The following ARK2C variants were observed in gnomAD, a reference collection of about 807,000 sequenced individuals.
The protein encoded by ARK2C is arkadia (RNF111) C-terminal like ring finger ubiquitin ligase 2C, also known as E3 ubiquitin-protein ligase ARK2C.
chr18:46,431,409 G>A, the ARK2C span, among the ~76,000 whole-genome samples: 1 of 152,198 alleles, frequency 6.6e-6, no homozygotes. Flanking sequence ...ACAGTGGCCA[G>A]TTGGGGACCC....
chr18:46,352,908 C>T, the ARK2C span, among the ~76,000 whole-genome samples: 1 of 152,206 alleles, frequency 6.6e-6, no homozygotes, highest in Non-Finnish European at 1.5e-5. Context: ...ACCCACACGT[C>T]AGGTCTTACA....
chr18:46,355,827 C>T, the ARK2C span, among the ~76,000 whole-genome samples: 1,414 of 152,348 alleles, frequency 9.3e-3, 26 homozygotes, highest in African/African-American at 0.032. Context: ...CATGGCACCC[C>T]TGTGCCTGGA....
chr18:46,374,107 T>C, the ARK2C span, among the ~76,000 whole-genome samples: 1 of 152,038 alleles, frequency 6.6e-6, no homozygotes, highest in Non-Finnish European at 1.5e-5. Context: ...CCACCAGGGG[T>C]CCCCTTATGG....
At chr18:46,400,170 C>T in the ARK2C span, among the ~76,000 whole-genome samples, 5 of 152,182 alleles carry the variant, frequency 3.3e-5, no homozygotes, top group Non-Finnish European at 4.4e-5. Context: ...TAAGGCTGGG[C>T]TGGATATTCC....
chr18:46,348,898 TTCTGTGTGTGTGTGTGTG>T, the ARK2C span, among the ~76,000 whole-genome samples: 1 of 123,162 alleles, frequency 8.1e-6, no homozygotes, highest in African/African-American at 3.1e-5. Context: ...CTCTCTCTCT[TTCTGTGTGTGTGTGTGTG>T]TGTGTGTGTG....
the ARK2C span, among the ~76,000 whole-genome samples, chr18:46,404,373 A>C: frequency 2.6e-5 from 4 of 152,342 alleles, no homozygotes; most frequent in South Asian, 8.3e-4. Context: ...GATGACAGGA[A>C]GACATGAGCA....
At chr18:46,455,946 T>C in the ARK2C span, 9 of 1,466,692 alleles carry the variant, frequency 6.1e-6, no homozygotes, top group Non-Finnish European at 8.6e-6. Flanking sequence ...CCCCAGGTAA[T>C]GAATACTACT....
At chr18:46,355,334 G>C in the ARK2C span, among the ~76,000 whole-genome samples, 1 of 152,058 alleles carries the variant, frequency 6.6e-6, no homozygotes, top group South Asian at 2.1e-4. Context: ...GTGGTCCCGA[G>C]GTCCCTCTGA....
chr18:46,336,723 A>C, the ARK2C span: 1 of 985,428 alleles, frequency 1.0e-6, no homozygotes, highest in Non-Finnish European at 1.2e-6. Context: ...AGTACATTGC[A>C]CTGTAAATCC....
chr18:46,383,669 C>T, the ARK2C span, among the ~76,000 whole-genome samples: 14 of 151,766 alleles, frequency 9.2e-5, no homozygotes, highest in African/African-American at 3.4e-4. Flanking sequence ...ATTCTCCTGC[C>T]TCAGCCTCCC....
chr18:46,352,231 G>A, the ARK2C span, among the ~76,000 whole-genome samples: 421 of 152,208 alleles, frequency 2.8e-3, 2 homozygotes, highest in African/African-American at 9.9e-3. Flanking sequence ...ACTCCAGCTG[G>A]TCAAAGCCCA....
chr18:46,450,288 C>T, the ARK2C span: 1 of 1,603,870 alleles, frequency 6.2e-7, no homozygotes, highest in Non-Finnish European at 8.5e-7. Flanking sequence ...GCGTTTTCTA[C>T]CCAACAGGTC....
At chr18:46,356,896 T>C in the ARK2C span, among the ~76,000 whole-genome samples, 1 of 152,166 alleles carries the variant, frequency 6.6e-6, no homozygotes, top group African/African-American at 2.4e-5. Context: ...AAAGGCTTCC[T>C]CTGGAACCAG....
the ARK2C span, among the ~76,000 whole-genome samples, chr18:46,364,062 G>T: frequency 1.3e-5 from 2 of 149,556 alleles, no homozygotes; most frequent in African/African-American, 4.9e-5. Flanking sequence ...GTTCTCATGC[G>T]TCAGCCTCCT....
chr18:46,442,640 A>C, the ARK2C span, among the ~76,000 whole-genome samples: 1 of 152,180 alleles, frequency 6.6e-6, no homozygotes, highest in Non-Finnish European at 1.5e-5. Flanking sequence ...TATTGGATAG[A>C]GTATTCTATA....
chr18:46,452,447 T>C, the ARK2C span, among the ~76,000 whole-genome samples: 1 of 151,988 alleles, frequency 6.6e-6, no homozygotes, highest in Non-Finnish European at 1.5e-5. Flanking sequence ...ACCCAGCTAA[T>C]TTTTATATTT....
chr18:46,352,818 G>A, the ARK2C span, among the ~76,000 whole-genome samples: 1 of 152,202 alleles, frequency 6.6e-6, no homozygotes, highest in African/African-American at 2.4e-5. Flanking sequence ...TGAATTTAGG[G>A]GTTGCATTAC....
chr18:46,395,025 G>A, the ARK2C span, among the ~76,000 whole-genome samples: 9 of 152,184 alleles, frequency 5.9e-5, no homozygotes, highest in Admixed American at 3.3e-4. Context: ...CCAAGAATCT[G>A]CCAGAAACTC....
At chr18:46,383,843 G>A in the ARK2C span, among the ~76,000 whole-genome samples, 7,756 of 152,116 alleles carry the variant, frequency 0.051, 253 homozygotes, top group East Asian at 0.13. Context: ...GAGCCACCGC[G>A]CCCGGCCACC....
Sources: gnomAD v4.1 joint callset for allele counts (sites outside exome capture counted in the v4.1 genomes callset) on GRCh38, gnomAD v4.1.1 for gene constraint, MANE v1.5 for transcripts, NCBI Gene and HGNC (gene_info 2026-07-23, HGNC 2026-07-21) for gene names.